The following TOP6BL variants were observed in gnomAD, a reference collection of about 807,000 sequenced individuals.
TOP6BL encodes the protein type 2 DNA topoisomerase 6 subunit B-like.
At chr11:66,777,089 A>G in the TOP6BL span, among the ~76,000 whole-genome samples, 1 of 146,174 alleles carries the variant, frequency 6.8e-6, no homozygotes, top group African/African-American at 2.5e-5. Flanking sequence ...ATATATATCT[A>G]TATATCTATA....
the TOP6BL span, chr11:66,804,092 A>G: frequency 2.5e-6 from 4 of 1,614,006 alleles, no homozygotes; most frequent in Middle Eastern, 1.6e-4. Context: ...CGTGGCTGGC[A>G]TGGACTTGTT....
the TOP6BL span, among the ~76,000 whole-genome samples, chr11:66,791,262 T>A: frequency 6.6e-6 from 1 of 152,088 alleles, no homozygotes; most frequent in Non-Finnish European, 1.5e-5. Context: ...AGATATTGGG[T>A]TTTGTGTTTA....
the TOP6BL span, among the ~76,000 whole-genome samples, chr11:66,750,569 C>T: frequency 3.3e-5 from 5 of 151,448 alleles, no homozygotes; most frequent in Admixed American, 1.3e-4. Context: ...ACAAAAAACC[C>T]GACAGTACCC....
the TOP6BL span, among the ~76,000 whole-genome samples, chr11:66,791,372 A>G: frequency 6.6e-6 from 1 of 152,218 alleles, no homozygotes; most frequent in African/African-American, 2.4e-5. Flanking sequence ...AGCTTTATCC[A>G]GTTTAATATT....
the TOP6BL span, among the ~76,000 whole-genome samples, chr11:66,784,537 C>G: frequency 8.9e-3 from 1,356 of 152,344 alleles, 23 homozygotes; most frequent in African/African-American, 0.03. Context: ...TTAGCAGTCA[C>G]TCTGCTTACT....
At chr11:66,808,985 G>A in the TOP6BL span, among the ~76,000 whole-genome samples, 8 of 152,102 alleles carry the variant, frequency 5.3e-5, no homozygotes, top group South Asian at 2.1e-4. Flanking sequence ...TCGCTCCGTC[G>A]CCCAGGCTGG....
the TOP6BL span, among the ~76,000 whole-genome samples, chr11:66,781,233 A>G: frequency 6.6e-6 from 1 of 151,208 alleles, no homozygotes; most frequent in African/African-American, 2.4e-5. Flanking sequence ...AAGACTATTC[A>G]TTTTTCTTCA....
the TOP6BL span, among the ~76,000 whole-genome samples, chr11:66,810,281 T>C: frequency 6.6e-6 from 1 of 152,140 alleles, no homozygotes; most frequent in Non-Finnish European, 1.5e-5. Flanking sequence ...AGAAGAAAAA[T>C]GTTGCCAGAC....
At chr11:66,809,900 CAG>C in the TOP6BL span, among the ~76,000 whole-genome samples, 1 of 152,032 alleles carries the variant, frequency 6.6e-6, no homozygotes, top group African/African-American at 2.4e-5. Flanking sequence ...TTTGTAGAGA[CAG>C]GGTCTCACCC....
the TOP6BL span, among the ~76,000 whole-genome samples, chr11:66,841,022 C>T: frequency 6.6e-6 from 1 of 151,998 alleles, no homozygotes; most frequent in Non-Finnish European, 1.5e-5. Flanking sequence ...TCAGTTTCCT[C>T]TCTCCTGACT....
the TOP6BL span, chr11:66,762,109 A>C: frequency 9.5e-7 from 1 of 1,050,152 alleles, no homozygotes; most frequent in Non-Finnish European, 1.5e-6. Flanking sequence ...ACATCTTAGG[A>C]AGGGTTTTAT....
At chr11:66,814,971 C>T in the TOP6BL span, among the ~76,000 whole-genome samples, 1,882 of 152,156 alleles carry the variant, frequency 0.012, 38 homozygotes, top group African/African-American at 0.043. Context: ...GGAGGGGTTG[C>T]AGTTTTGAGA....
At chr11:66,756,381 G>A in the TOP6BL span, 13 of 1,170,950 alleles carry the variant, frequency 1.1e-5, no homozygotes, top group South Asian at 1.5e-5. Context: ...TACCCAGGCC[G>A]GAGTGCAGTG....
chr11:66,784,854 G>T, the TOP6BL span, among the ~76,000 whole-genome samples: 1 of 151,008 alleles, frequency 6.6e-6, no homozygotes, highest in African/African-American at 2.4e-5. Context: ...TTTTACATTT[G>T]CTCTTTTACT....
chr11:66,824,900 T>C, the TOP6BL span, among the ~76,000 whole-genome samples: 1 of 152,182 alleles, frequency 6.6e-6, no homozygotes, highest in East Asian at 2.0e-4. Flanking sequence ...AGTGCCGCAA[T>C]AAACATATGT....
chr11:66,843,162 C>A, the TOP6BL span: 1 of 1,611,206 alleles, frequency 6.2e-7, no homozygotes, highest in Non-Finnish European at 8.5e-7. Context: ...CCCCCTTGTT[C>A]CCGCAGGACG....
chr11:66,745,796 T>G, the TOP6BL span, among the ~76,000 whole-genome samples: 1 of 30,762 alleles, frequency 3.3e-5, no homozygotes, highest in African/African-American at 5.0e-5. Context: ...TCTTTAGGGT[T>G]TGTTTGTTTG....
At chr11:66,843,199 C>T in the TOP6BL span, 1 of 1,611,094 alleles carries the variant, frequency 6.2e-7, no homozygotes, top group East Asian at 2.2e-5. Flanking sequence ...GGTCTCCAAC[C>T]TGTCAGAGTG....
At chr11:66,794,414 A>G in the TOP6BL span, among the ~76,000 whole-genome samples, 1 of 152,162 alleles carries the variant, frequency 6.6e-6, no homozygotes, top group Non-Finnish European at 1.5e-5. Context: ...TAAGTGGTTA[A>G]TGCTAAAGAT....
Sources: allele counts gnomAD v4.1 joint callset (sites outside exome capture counted in the v4.1 genomes callset), GRCh38; gene constraint gnomAD v4.1.1; transcripts MANE v1.5; gene names NCBI Gene and HGNC (gene_info 2026-07-23, HGNC 2026-07-21).